KARS1: variants seen among roughly 807,000 people sequenced by gnomAD.
KARS1 encodes the protein lysine--tRNA ligase.
In KARS1, 50 loss-of-function variants were observed where a neutral mutation model predicts 63.9. That is an observed-to-expected ratio of 0.78 (90% CI 0.62 to 0.99). The LOEUF is 0.99. Ranked by LOEUF, KARS1 falls within the 50% of genes least tolerant of loss-of-function variation. KARS1 has a pLI of 0.00. For missense variants in KARS1, 816 were observed against 754.5 expected (o/e 1.08, Z -0.95); for synonymous variants, 320 against 264.6 (o/e 1.21, Z -2.03).
At chr16:75,646,037 T>C (rs978956669) in intron 1 of KARS1, among the ~76,000 whole-genome samples, 2 of 152,202 alleles carry the variant, frequency 1.3e-5, no homozygotes, top group African/African-American at 2.4e-5. Flanking sequence ...ATCACAGATA[T>C]ACCACATTCA....
intron 12 of KARS1, 147 bp from the exon 13 acceptor site, chr16:75,628,859 T>TA (rs2082079968): frequency 1.2e-6 from 1 of 840,496 alleles, no homozygotes; most frequent in Admixed American, 2.0e-5. Context: ...CATTTCCTAG[T>TA]AACTCCAAGA....
rs1258874913 is a variant in KARS1, at chr16:75,628,724, A to C, written c.1552-12T>G. ...CCTGCAGCCTTGGCCTAGAAGAGGAAAGAGAACCAAAAGGTGACCTTCTTC... is the reference window on the plus strand; with the variant it reads ...CCTGCAGCCTTGGCCTAGAAGAGGACAGAGAACCAAAAGGTGACCTTCTTC... On this transcript the variant is annotated splice_polypyrimidine_tract_variant and intron_variant, in intron 12 of 13. Transcript: ENST00000302445. The C allele has an allele frequency of 3.1e-6, 5 of 1,614,184 alleles. No individual in the cohort carries two copies. The highest frequency in any genetic ancestry group is 4.2e-6 in the Non-Finnish European group (5 of 1,179,994).
At chr16:75,639,379 C>G (rs2082197721) in intron 3 of KARS1, among the ~76,000 whole-genome samples, 1 of 151,646 alleles carries the variant, frequency 6.6e-6, no homozygotes, top group Non-Finnish European at 1.5e-5. Flanking sequence ...CGAGACCAGC[C>G]TGGTCAATAT....
chr16:75,634,881 C>T (rs961596078), intron 6 of KARS1, among the ~76,000 whole-genome samples: 4 of 152,058 alleles, frequency 2.6e-5, no homozygotes, highest in African/African-American at 9.7e-5. Context: ...GGCCCAATTC[C>T]CAGTATTTAT....
chr16:75,644,291 A>C (rs1567505388), intron 1 of KARS1: 1 of 1,600,654 alleles, frequency 6.2e-7, no homozygotes, highest in Non-Finnish European at 8.5e-7. Flanking sequence ...ACCTTCTTTG[A>C]TCAGAAAATG....
Position 75,631,886 on chromosome 16 carries a change from A to G in KARS1, c.916-31T>C, listed in dbSNP as rs776102833. ...AACAACACATGGCCACGGTCATGAC[A>G]GCTAATCTTTTTTTTTTTGAGATGG... On this transcript the variant is annotated intron_variant, in intron 7 of 13. Transcript: ENST00000302445. 17 of 1,611,932 alleles carry G rather than the reference A, an allele frequency of 1.1e-5. No individual in the cohort carries two copies. In the Admixed American group the frequency reaches 2.8e-4, roughly 27 times the overall value.
In KARS1 at chr16:75,635,671, T is replaced by TCTC. The variant is rs745940921; in HGVS notation, c.795+6_795+8dup. 6.2e-7 allele frequency: 1 copy of TCTC among 1,613,402 alleles called. No individual in the cohort carries two copies. The highest frequency in any genetic ancestry group is 1.3e-5 in the African/African-American group (1 of 74,938). ...CAGCTCATCACGTCAGGCAAGGAAC[T>TCTC]CTCCTTACCTCTAGGAATCCCAGCT... On this transcript the variant is annotated intron_variant, in intron 6 of 13. Coordinates refer to ENST00000302445, the MANE Select transcript of KARS1 (RefSeq NM_005548.3).
At chr16:75,645,536 G>A (rs931605959) in intron 1 of KARS1, among the ~76,000 whole-genome samples, 1 of 152,196 alleles carries the variant, frequency 6.6e-6, no homozygotes, top group African/African-American at 2.4e-5. Flanking sequence ...AAAAGTAGTA[G>A]CTGTATTTAA....
chr16:75,638,963 T>A (rs2082193484), intron 3 of KARS1, among the ~76,000 whole-genome samples: 1 of 150,278 alleles, frequency 6.7e-6, no homozygotes, highest in Admixed American at 6.6e-5. Context: ...AGGTCAGGAG[T>A]TCAAGACCAG....
chr16:75,629,001 G>A, intron 12 of KARS1: 1 of 500,348 alleles, frequency 2.0e-6, no homozygotes, highest in South Asian at 2.1e-5. Flanking sequence ...AATTCTCAGA[G>A]ACTGTGACAA....
intron 11 of KARS1, among the ~76,000 whole-genome samples, chr16:75,629,887 C>G (rs1224561672): frequency 1.3e-5 from 2 of 152,208 alleles, no homozygotes; most frequent in African/African-American, 4.8e-5. Flanking sequence ...CAGTCAGAAG[C>G]CTGCATGCAG....
At chr16:75,629,740 G>A (rs2082091135) in intron 11 of KARS1, among the ~76,000 whole-genome samples, 199 bp from the exon 12 acceptor site, 1 of 152,224 alleles carries the variant, frequency 6.6e-6, no homozygotes, top group Non-Finnish European at 1.5e-5. Flanking sequence ...CGGGATCACA[G>A]GCCCATGCCA....
At position 75,641,780 on chromosome 16, in the gene KARS1, C is replaced by G; in HGVS notation, c.63-57G>C. 4 of 1,575,180 alleles carry G rather than the reference C, an allele frequency of 2.5e-6. No homozygotes were observed. The South Asian group carries it at 3.3e-5, about 13-fold the overall frequency. On this transcript the variant is annotated intron_variant, in intron 1 of 13. Transcript: ENST00000302445. ...AGCTGCCTGAAGAGTCCTCTATGTT[C>G]TGCCCCTAGCAACTTATCAAAAACA...
At chr16:75,641,050 T>A (rs970479188) in intron 2 of KARS1, among the ~76,000 whole-genome samples, 2 of 152,076 alleles carry the variant, frequency 1.3e-5, no homozygotes, top group Non-Finnish European at 2.9e-5. Flanking sequence ...GCGCCTCTAA[T>A]ACCAGTTACT....
chr16:75,647,586 C>T lies in KARS1; in HGVS notation c.54G>A (p.Leu18=). The T allele has an allele frequency of 6.2e-7, 1 of 1,613,660 alleles. No individual in the cohort carries two copies. Among genetic ancestry groups the T allele is most frequent in the South Asian group, 1.1e-5 (1 of 90,992 alleles). ...CTCGCAGCGACACTCACTTCTTGCT[C>T]AGTTTCGGCTCGCTGCCATCCACTT... is the stretch of plus-strand genomic sequence containing the variant. ...EVKVDGSEPK[L]SKNELKRRLK... Residue 18 remains leucine, a synonymous_variant, in exon 1 of 14, where the codon CTG becomes CTA. Transcript: ENST00000302445.
chr16:75,627,727 T>C lies in KARS1; in HGVS notation c.*168A>G. The stretch of plus-strand genomic sequence containing the variant: ...GTAAAGAGAAGAGACAAATGGCTTA[T>C]TTGGTAACAGGATTAAAAAGAAATT... On this transcript the variant is annotated 3_prime_UTR_variant, in exon 14 of 14. Transcript: ENST00000302445. 1.6e-6 allele frequency: 1 copy of C among 635,292 alleles called. No individual in the cohort carries two copies. Among genetic ancestry groups the C allele is most frequent in the Non-Finnish European group, 2.9e-6 (1 of 350,684 alleles). The allele number at this position is 635,292 out of a possible 1,614,324, so 39.4% of individuals were successfully genotyped here.
intron 3 of KARS1, among the ~76,000 whole-genome samples, chr16:75,638,998 T>C (rs1567502841): frequency 6.6e-6 from 1 of 151,304 alleles, no homozygotes; most frequent in Non-Finnish European, 1.5e-5. Flanking sequence ...TGAAACTCCG[T>C]CTCTACTAAA....
At chr16:75,645,129 G>A (rs894121181) in intron 1 of KARS1, among the ~76,000 whole-genome samples, 1 of 152,190 alleles carries the variant, frequency 6.6e-6, no homozygotes, top group Non-Finnish European at 1.5e-5. Flanking sequence ...GTCAATACCT[G>A]GCACAAAATG....
At position 75,634,173 on chromosome 16, in the gene KARS1, C is replaced by G; in HGVS notation, c.915G>C (p.Lys305Asn). The change falls in exon 7 of 14, where the codon AAG becomes AAC. Residue 305 changes from lysine (K) to asparagine (N), a missense_variant and splice_region_variant. Transcript: ENST00000302445. ...AAAAGGGTGTACTATTACTGACTAC[C>G]TTATGATAGAGTTCTGGAGCAATTC... Reference protein sequence around the residue: ...YMRIAPELYHKMLVVGGIDRV... With the variant: ...YMRIAPELYHNMLVVGGIDRV... 6.2e-7 allele frequency: 1 copy of G among 1,613,694 alleles called. No homozygotes were observed. Among genetic ancestry groups the G allele is most frequent in the Non-Finnish European group, 8.5e-7 (1 of 1,179,716 alleles).
Sources: gnomAD v4.1 joint callset for allele counts (sites outside exome capture counted in the v4.1 genomes callset) on GRCh38, gnomAD v4.1.1 for gene constraint, MANE v1.5 for transcripts, NCBI Gene and HGNC (gene_info 2026-07-23, HGNC 2026-07-21) for gene names.